DSG3: variants seen among roughly 807,000 people sequenced by gnomAD.
DSG3 encodes desmoglein-3.
In DSG3, 63 loss-of-function variants were observed where a neutral mutation model predicts 85.9. The ratio of observed to expected loss-of-function variants is 0.73; its 90% confidence interval spans 0.60 to 0.90. The LOEUF is 0.90. DSG3 is among the 40% of genes least tolerant of loss of function. The probability of loss-of-function intolerance (pLI) is 0.00; values close to 1 mark genes in which losing one functional copy is unlikely to be tolerated. For synonymous variants in DSG3, 447 were observed against 441.9 expected (o/e 1.01, Z -0.14); for missense variants, 1,220 against 1,219.9 (o/e 1.00, Z 0.00).
chr18:31,469,336 C>G lies in DSG3; in HGVS notation c.1884C>G (p.Leu628=), dbSNP rs747362040. The change falls in exon 12 of 16, where the codon CTC becomes CTG. Residue 628 remains leucine, a synonymous_variant. Coordinates refer to ENST00000257189, the MANE Select transcript of DSG3 (RefSeq NM_001944.3). ...CCATCGGCCTGCTGCTCCTTGGTCT[C>G]CTGCTGCTGCTGTGTGAGTAGCCAA... ...PAAIGLLLLG[L]LLLLLAPLLL... is the part of the protein sequence containing the mutation. 3 of 1,612,842 alleles carry G rather than the reference C, an allele frequency of 1.9e-6. No individual in the cohort carries two copies. Among genetic ancestry groups the G allele is most frequent in the Non-Finnish European group, 2.5e-6 (3 of 1,179,994 alleles).
intron 3 of DSG3, among the ~76,000 whole-genome samples, chr18:31,458,124 G>A (rs889318125): frequency 7.2e-5 from 11 of 151,996 alleles, no homozygotes; most frequent in African/African-American, 2.7e-4. Context: ...CAGGTAAAGA[G>A]GGAGCCTTCA....
chr18:31,474,731 G>A (rs1047702477), intron 15 of DSG3, among the ~76,000 whole-genome samples: 5 of 151,982 alleles, frequency 3.3e-5, no homozygotes, highest in African/African-American at 9.7e-5. Flanking sequence ...CTCCAGCCTG[G>A]GTGACAGAGT....
rs1247579733 is a variant in DSG3 at position 31,472,291 on chromosome 18, C to G, written c.1905C>G (p.Pro635=). Residue 635 remains proline, a synonymous_variant, in exon 13 of 16, where the codon CCC becomes CCG. Coordinates refer to ENST00000257189, the MANE Select transcript of DSG3 (RefSeq NM_001944.3). ...LLGLLLLLLA[P]LLLLTCDCGA... ...TGTTTTGTTTTTCACTAGTGGCCCC[C>G]CTTCTGCTGTTGACCTGTGACTGTG... 6.2e-7 allele frequency: 1 copy of G among 1,613,914 alleles called. No homozygotes were observed. The highest frequency in any genetic ancestry group is 1.3e-5 in the African/African-American group (1 of 74,914).
At chr18:31,470,233 G>A (rs908374721) in intron 12 of DSG3, among the ~76,000 whole-genome samples, 1 of 152,014 alleles carries the variant, frequency 6.6e-6, no homozygotes, top group Non-Finnish European at 1.5e-5. Flanking sequence ...CAGTTTTAGA[G>A]TTAAAATTAA....
chr18:31,466,819 G>A (rs2072823771), intron 11 of DSG3, 65 bp downstream of exon 11: 1 of 1,447,496 alleles, frequency 6.9e-7, no homozygotes, highest in Non-Finnish European at 9.6e-7. Flanking sequence ...GAAGAATAAG[G>A]AAGATCATTT....
At position 31,461,340 on chromosome 18, in the gene DSG3, TG is replaced by T; in HGVS notation, c.930del (p.Asn311MetfsTer19). 1 of 1,613,658 alleles carries T rather than the reference TG, an allele frequency of 6.2e-7. No homozygotes were observed. Among genetic ancestry groups the T allele is most frequent in the Non-Finnish European group, 8.5e-7 (1 of 1,179,750 alleles). On this transcript the variant is annotated frameshift_variant, in exon 8 of 16. Transcript: ENST00000257189. LOFTEE classifies it high-confidence loss of function. ...GGCTTGCAGTATATTTCTTTACCTC[TG>T]GGAATGAAGGAAATTGGTTTGAAAT... The part of the protein sequence containing the change: ...NWLAVYFFTS[G>X]NEGNWFEIQT...
chr18:31,458,886 CT>C, intron 4 of DSG3, 146 bp from the exon 5 acceptor site: 27 of 1,099,130 alleles, frequency 2.5e-5, no homozygotes, highest in South Asian at 3.3e-5. Flanking sequence ...GAGCAGGCAC[CT>C]TTTTCCACTT....
rs201960806 is a variant in DSG3 at position 31,457,549 on chromosome 18, C to T, written c.216+425C>T. ...TTTCTTTCTTTCTTTCTTTCTTTCT[C>T]TTTCTTTCTTTCTTTCTTTCTTTCT... On this transcript the variant is annotated intron_variant, in intron 3 of 15. Transcript: ENST00000257189. 3.6e-3 allele frequency among the ~76,000 whole-genome samples: 388 copies of T among 108,764 alleles called. 1 individual carries two copies. The highest frequency in any genetic ancestry group is 0.016 in the South Asian group (51 of 3,260). 71.4% of individuals were successfully genotyped at this position (108,764 alleles called of 152,430 possible).
chr18:31,460,399 T>C (rs1341560517), intron 6 of DSG3, among the ~76,000 whole-genome samples: 1 of 152,204 alleles, frequency 6.6e-6, no homozygotes, highest in Non-Finnish European at 1.5e-5. Flanking sequence ...CTTTTTCTCC[T>C]GACTTCTCTT....
At position 31,477,049 on chromosome 18, in the gene DSG3, GTTTCTTCCAT is replaced by G. The variant is rs2072893938; in HGVS notation, c.*790_*799del. ...GAAAAAGGGAAGTAGTTGCAGTAGAGTTTCTTCCATCTTCTTGGTGCTGGGAAGCCATATA... is the reference window on the plus strand; with the variant it reads ...GAAAAAGGGAAGTAGTTGCAGTAGAGCTTCTTGGTGCTGGGAAGCCATATA... On this transcript the variant is annotated 3_prime_UTR_variant, in exon 16 of 16. Transcript: ENST00000257189. 6.6e-6 allele frequency: 1 copy of G among 151,764 alleles called. No individual in the cohort carries two copies. Among genetic ancestry groups the G allele is most frequent in the South Asian group, 2.1e-4 (1 of 4,786 alleles). 9.4% of individuals were successfully genotyped at this position (151,764 alleles called of 1,614,324 possible).
At chr18:31,470,299 A>G (rs143538552) in intron 12 of DSG3, among the ~76,000 whole-genome samples, 543 of 152,300 alleles carry the variant, frequency 3.6e-3, no homozygotes, top group South Asian at 0.012. Context: ...GTAGACAACT[A>G]CACATACAAC....
intron 12 of DSG3, among the ~76,000 whole-genome samples, chr18:31,471,141 G>A (rs1172302130): frequency 6.6e-6 from 1 of 152,178 alleles, no homozygotes; most frequent in South Asian, 2.1e-4. Context: ...ATTTCGAGCT[G>A]TGACATGAGA....
At chr18:31,457,518 A>G (rs999346060) in intron 3 of DSG3, among the ~76,000 whole-genome samples, 6 of 149,844 alleles carry the variant, frequency 4.0e-5, no homozygotes, top group Non-Finnish European at 8.9e-5. Flanking sequence ...TTATTATACT[A>G]TTCTCTTTCT....
intron 8 of DSG3, 123 bp downstream of exon 8, chr18:31,461,535 T>C (rs2072786417): frequency 8.3e-6 from 8 of 966,468 alleles, no homozygotes; most frequent in East Asian, 5.3e-5. Flanking sequence ...TAAAAGTAGA[T>C]TGAATTTTTT....
chr18:31,456,189 A>G (rs1395818687), intron 1 of DSG3, among the ~76,000 whole-genome samples: 1 of 152,214 alleles, frequency 6.6e-6, no homozygotes, highest in Non-Finnish European at 1.5e-5. Context: ...AAAGTCCAAT[A>G]GGTTCTTCTT....
chr18:31,474,015 C>T (rs1598787826), intron 14 of DSG3, 106 bp from the exon 15 acceptor site: 4 of 1,080,622 alleles, frequency 3.7e-6, no homozygotes, highest in Middle Eastern at 2.3e-4. Flanking sequence ...TTTTCTCCCA[C>T]TTACTTGTTT....
Position 31,447,896 on chromosome 18 carries a change from A to G in DSG3, c.19A>G (p.Arg7Gly), listed in dbSNP as rs975086728. MMGLFP[R>G]TTGALAIFVV... is the part of the protein sequence containing the mutation. ...AGAGACAATGATGGGGCTCTTCCCC[A>G]GAACTACAGGGGCTCTGGCCATCTT... The change falls in exon 1 of 16, where the codon AGA becomes GGA. Residue 7 changes from arginine (R) to glycine (G), a missense_variant. By Grantham distance (125) the Arg-to-Gly change is moderately radical (BLOSUM62 -2). Coordinates refer to ENST00000257189, the MANE Select transcript of DSG3 (RefSeq NM_001944.3). 2.5e-6 allele frequency: 4 copies of G among 1,591,234 alleles called. No individual in the cohort carries two copies. The highest frequency in any genetic ancestry group is 3.4e-6 in the Non-Finnish European group (4 of 1,170,432).
At chr18:31,459,212 A>G in intron 5 of DSG3, 35 bp downstream of exon 5, 1 of 1,577,390 alleles carries the variant, frequency 6.3e-7, no homozygotes, top group Non-Finnish European at 8.6e-7. Context: ...CTTTCAGTTT[A>G]TCTACTTTCA....
chr18:31,455,854 A>G (rs2072738880), intron 1 of DSG3, among the ~76,000 whole-genome samples: 1 of 152,216 alleles, frequency 6.6e-6, no homozygotes, highest in African/African-American at 2.4e-5. Context: ...CACTGCAAAC[A>G]GGGTTTGTGA....
Sources: gnomAD v4.1 joint callset for allele counts (sites outside exome capture counted in the v4.1 genomes callset) on GRCh38, gnomAD v4.1.1 for gene constraint, MANE v1.5 for transcripts, NCBI Gene and HGNC (gene_info 2026-07-23, HGNC 2026-07-21) for gene names.